The following FAM133B variants were observed in gnomAD, a reference collection of about 807,000 sequenced individuals.
The protein encoded by FAM133B is family with sequence similarity 133 member B.
In FAM133B, 25 loss-of-function variants were observed where a neutral mutation model predicts 46.4. That is an observed-to-expected ratio of 0.54 (90% CI 0.39 to 0.75). The LOEUF is 0.75. Among genes scored for constraint, FAM133B ranks in the 30% least tolerant of loss-of-function variants. The probability of loss-of-function intolerance (pLI) is 0.00; values close to 1 mark genes in which losing one functional copy is unlikely to be tolerated. For synonymous variants in FAM133B, 75 were observed against 86.0 expected (o/e 0.87, Z 0.71); for missense variants, 205 against 277.6 (o/e 0.74, Z 1.86).
intron 7 of FAM133B, among the ~76,000 whole-genome samples, chr7:92,576,688 T>C (rs1289644671): frequency 6.6e-6 from 1 of 152,236 alleles, no homozygotes; most frequent in East Asian, 1.9e-4. Flanking sequence ...CCAGTAATGT[T>C]TGAAAGCCAA....
chr7:92,561,031 G>A lies in FAM133B; in HGVS notation c.*1251C>T, dbSNP rs1026465981. 1.3e-5 allele frequency: 2 copies of A among 152,580 alleles called. No individual in the cohort carries two copies. The highest frequency in any genetic ancestry group is 4.8e-5 in the African/African-American group (2 of 41,438). 9.5% of individuals were successfully genotyped at this position (152,580 alleles called of 1,614,324 possible). ...AAATCTTAGTAAAATATGACACAGGGAGAGCAATAATGTAACTCTTATTTA... is the reference window on the plus strand; with the variant it reads ...AAATCTTAGTAAAATATGACACAGGAAGAGCAATAATGTAACTCTTATTTA... On this transcript the variant is annotated 3_prime_UTR_variant, in exon 11 of 11. Transcript: ENST00000445716.
At chr7:92,581,366 G>T (rs1365787075) in intron 2 of FAM133B, 140 bp downstream of exon 2, 2 of 673,990 alleles carry the variant, frequency 3.0e-6, no homozygotes, top group African/African-American at 1.8e-5. Context: ...ACATTCAAAA[G>T]AAAGCACATA....
intron 1 of FAM133B, 176 bp from the exon 2 acceptor site, chr7:92,581,779 A>C: frequency 1.9e-6 from 1 of 531,680 alleles, no homozygotes; most frequent in South Asian, 2.1e-5. Flanking sequence ...TAAGTCTTAA[A>C]AGTTTGGGAG....
At chr7:92,589,091 T>C (rs951749958) in intron 1 of FAM133B, among the ~76,000 whole-genome samples, 3 of 152,254 alleles carry the variant, frequency 2.0e-5, no homozygotes, top group Admixed American at 1.3e-4. Flanking sequence ...CACACACAGC[T>C]TGCAAATAAT....
At chr7:92,573,699 A>T (rs1794606737) in intron 8 of FAM133B, among the ~76,000 whole-genome samples, 2 of 151,950 alleles carry the variant, frequency 1.3e-5, no homozygotes, top group South Asian at 4.1e-4. Context: ...CTTATTTTAT[A>T]ATCGTTCTGA....
At chr7:92,583,918 G>A (rs1197425862) in intron 1 of FAM133B, among the ~76,000 whole-genome samples, 2 of 151,434 alleles carry the variant, frequency 1.3e-5, no homozygotes, top group African/African-American at 2.4e-5. Context: ...GTGTGGTGGC[G>A]GGTGCCTATA....
intron 1 of FAM133B, among the ~76,000 whole-genome samples, chr7:92,584,566 C>A (rs895416499): frequency 6.6e-6 from 1 of 152,146 alleles, no homozygotes; most frequent in Non-Finnish European, 1.5e-5. Context: ...AATGCTAGAG[C>A]CCCTCATGTA....
intron 1 of FAM133B, among the ~76,000 whole-genome samples, chr7:92,584,146 G>GA (rs1206159920): frequency 1.3e-5 from 2 of 148,580 alleles, no homozygotes; most frequent in African/African-American, 4.9e-5. Flanking sequence ...CTGCAACTTT[G>GA]AAAAATCCCC....
chr7:92,578,740 G>A (rs549400749), intron 3 of FAM133B, among the ~76,000 whole-genome samples: 3 of 152,268 alleles, frequency 2.0e-5, no homozygotes, highest in Non-Finnish European at 4.4e-5. Flanking sequence ...TTATATACAT[G>A]TTTGTAATCA....
At chr7:92,568,900 A>G (rs1053247947) in intron 9 of FAM133B, among the ~76,000 whole-genome samples, 4 of 152,128 alleles carry the variant, frequency 2.6e-5, no homozygotes, top group African/African-American at 9.7e-5. Flanking sequence ...TTGCTATAAA[A>G]TGGGGGCAAT....
intron 6 of FAM133B, 71 bp downstream of exon 6, chr7:92,577,584 C>A: frequency 2.3e-6 from 3 of 1,282,618 alleles, no homozygotes; most frequent in Non-Finnish European, 3.2e-6. Context: ...AGATATTTCA[C>A]AATGGGTTTC....
intron 10 of FAM133B, among the ~76,000 whole-genome samples, chr7:92,564,121 G>A (rs1399484259): frequency 2.0e-5 from 3 of 152,158 alleles, no homozygotes; most frequent in African/African-American, 7.2e-5. Context: ...TTCCCCACCA[G>A]GCATTAAGCC....
chr7:92,577,075 C>T, intron 7 of FAM133B, 28 bp downstream of exon 7: 3 of 1,300,578 alleles, frequency 2.3e-6, no homozygotes, highest in Non-Finnish European at 3.1e-6. Context: ...TCTTTGTATC[C>T]AATATATTAA....
At chr7:92,586,020 C>A (rs372089893) in intron 1 of FAM133B, among the ~76,000 whole-genome samples, 143 of 152,284 alleles carry the variant, frequency 9.4e-4, no homozygotes, top group African/African-American at 3.3e-3. Context: ...TAGCATGTAT[C>A]TTTAAAGTAC....
At chr7:92,583,795 T>C (rs1407563763) in intron 1 of FAM133B, among the ~76,000 whole-genome samples, 1 of 151,878 alleles carries the variant, frequency 6.6e-6, no homozygotes. Flanking sequence ...ACGCCTGTAA[T>C]CCTAGCACTT....
chr7:92,590,158 C>T (rs1795157765), intron 1 of FAM133B, 110 bp downstream of exon 1: 3 of 1,556,388 alleles, frequency 1.9e-6, no homozygotes, highest in African/African-American at 2.7e-5. Flanking sequence ...CCAGGCCCCA[C>T]GTCTGAGGGC....
At chr7:92,581,458 T>TA (rs751512808) in intron 2 of FAM133B, 48 bp downstream of exon 2, 1 of 1,496,560 alleles carries the variant, frequency 6.7e-7, no homozygotes, top group South Asian at 1.2e-5. Flanking sequence ...GAATAAACTT[T>TA]AAAAAGTTGA....
intron 10 of FAM133B, among the ~76,000 whole-genome samples, chr7:92,564,442 A>C (rs905011069): frequency 1.3e-5 from 2 of 152,220 alleles, no homozygotes; most frequent in Admixed American, 6.5e-5. Context: ...AAAGTATGCA[A>C]ATACTTATTT....
intron 8 of FAM133B, 50 bp downstream of exon 8, chr7:92,575,721 T>C (rs1280323239): frequency 1.1e-6 from 1 of 881,818 alleles, no homozygotes; most frequent in Non-Finnish European, 1.8e-6. Flanking sequence ...TTTAAGTCAA[T>C]TAAGTATTAT....
Sources: allele counts gnomAD v4.1 joint callset (sites outside exome capture counted in the v4.1 genomes callset), GRCh38; gene constraint gnomAD v4.1.1; transcripts MANE v1.5; gene names NCBI Gene and HGNC (gene_info 2026-07-23, HGNC 2026-07-21).